Variants in FYN observed in about 807,000 individuals in gnomAD.
FYN encodes the protein FYN proto-oncogene, Src family tyrosine kinase, also known as tyrosine-protein kinase Fyn.
In FYN, 10 loss-of-function variants were observed where a neutral mutation model predicts 70.2. The ratio of observed to expected loss-of-function variants is 0.14; its 90% CI spans 0.09 to 0.24. FYN has a LOEUF of 0.24. Among genes scored for constraint, FYN ranks in the 10% least tolerant of loss-of-function variants. The probability of loss-of-function intolerance (pLI) is 1.00; values close to 1 mark genes in which losing one functional copy is unlikely to be tolerated. For synonymous variants in FYN, 236 were observed against 248.6 expected (o/e 0.95, Z 0.48); for missense variants, 319 against 673.1 (o/e 0.47, Z 5.82).
chr6:111,684,257 T>C (rs542270460), intron 12 of FYN, among the ~76,000 whole-genome samples: 1 of 152,224 alleles, frequency 6.6e-6, no homozygotes, highest in East Asian at 1.9e-4. Flanking sequence ...CCGAACATAT[T>C]GCAAAGATAA....
chr6:111,692,278 G>T (rs983173180), intron 12 of FYN, among the ~76,000 whole-genome samples: 1 of 152,208 alleles, frequency 6.6e-6, no homozygotes, highest in African/African-American at 2.4e-5. Flanking sequence ...AAGGCTAAAA[G>T]AACAAGGTTG....
At chr6:111,744,125 G>T (rs1019248834) in intron 3 of FYN, among the ~76,000 whole-genome samples, 1 of 152,214 alleles carries the variant, frequency 6.6e-6, no homozygotes, top group Admixed American at 6.5e-5. Context: ...GAGGAATGAT[G>T]CAGCTGCAGC....
intron 12 of FYN, among the ~76,000 whole-genome samples, chr6:111,675,573 A>G (rs1309052685): frequency 6.6e-6 from 1 of 152,052 alleles, no homozygotes; most frequent in South Asian, 2.1e-4. Flanking sequence ...GCGGGCGGTC[A>G]TTTGAGGTCA....
intron 2 of FYN, among the ~76,000 whole-genome samples, chr6:111,800,784 T>A (rs1744694730): frequency 1.3e-5 from 2 of 152,230 alleles, no homozygotes; most frequent in Admixed American, 6.5e-5. Context: ...CCTGCCCACA[T>A]CTCCAGTTCT....
At chr6:111,772,772 G>A (rs1452492122) in intron 3 of FYN, among the ~76,000 whole-genome samples, 1 of 123,528 alleles carries the variant, frequency 8.1e-6, no homozygotes, top group Admixed American at 1.1e-4. Context: ...AAAAGTCATT[G>A]TTTAAAGTTA....
chr6:111,808,162 C>T (rs55993814), intron 2 of FYN, among the ~76,000 whole-genome samples: 3,195 of 152,264 alleles, frequency 0.021, 99 homozygotes, highest in African/African-American at 0.071. Flanking sequence ...GTCAGTCCCT[C>T]TGGAACCACT....
At chr6:111,865,141 A>G (rs1774068946) in intron 1 of FYN, among the ~76,000 whole-genome samples, 1 of 152,212 alleles carries the variant, frequency 6.6e-6, no homozygotes, top group African/African-American at 2.4e-5. Context: ...GGACTTTCCC[A>G]TGGTACTTTT....
intron 3 of FYN, among the ~76,000 whole-genome samples, chr6:111,737,865 C>T (rs1583386960): frequency 6.6e-6 from 1 of 152,206 alleles, no homozygotes; most frequent in Non-Finnish European, 1.5e-5. Context: ...ACCAAATATA[C>T]ACTTCACAAT....
At chr6:111,845,971 C>T (rs1394928307) in intron 2 of FYN, among the ~76,000 whole-genome samples, 3 of 152,192 alleles carry the variant, frequency 2.0e-5, no homozygotes, top group African/African-American at 7.2e-5. Flanking sequence ...TCAGAGCTTC[C>T]AAGCCCCTTC....
chr6:111,685,844 G>A (rs1480196964), intron 12 of FYN, among the ~76,000 whole-genome samples: 1 of 152,166 alleles, frequency 6.6e-6, no homozygotes, highest in East Asian at 1.9e-4. Flanking sequence ...TGCTCACACA[G>A]AATACAAAAT....
intron 2 of FYN, among the ~76,000 whole-genome samples, chr6:111,844,068 C>T (rs1258777214): frequency 6.6e-6 from 1 of 152,206 alleles, no homozygotes; most frequent in East Asian, 1.9e-4. Context: ...TGAGTAGAAT[C>T]CTTACTATAA....
chr6:111,827,853 CG>C (rs1362861204), intron 2 of FYN, among the ~76,000 whole-genome samples: 1 of 152,068 alleles, frequency 6.6e-6, no homozygotes, highest in East Asian at 1.9e-4. Flanking sequence ...ATGGGGGAAA[CG>C]GTGGATTCTG....
At position 111,694,113 on chromosome 6, in the gene FYN, T is replaced by C. The variant is rs1799469968; in HGVS notation, c.1273+262A>G. ...CCTGGACGCTGTGAGGAGACCAGCA[T>C]GAGCCAAGAGGACCACAGCAGCAAA... On this transcript the variant is annotated intron_variant, in intron 12 of 13. Coordinates refer to ENST00000354650, the MANE Select transcript of FYN (RefSeq NM_002037.5). This position sits in a 1 kb window ranked among gnomAD's most constrained non-coding sequence, Gnocchi z 5.0. Among the ~76,000 whole-genome samples, 1 of 152,124 alleles carries C rather than the reference T, an allele frequency of 6.6e-6. No homozygotes were observed. Among genetic ancestry groups the C allele is most frequent in the Admixed American group, 6.5e-5 (1 of 15,270 alleles).
At chr6:111,754,195 G>C (rs2128489432) in intron 3 of FYN, among the ~76,000 whole-genome samples, 1 of 152,260 alleles carries the variant, frequency 6.6e-6, no homozygotes, top group South Asian at 2.1e-4. Flanking sequence ...TTTATCGTCT[G>C]TCTGAATGTG....
At chr6:111,804,074 T>C (rs1317337321) in intron 2 of FYN, among the ~76,000 whole-genome samples, 1 of 152,218 alleles carries the variant, frequency 6.6e-6, no homozygotes, top group Non-Finnish European at 1.5e-5. Flanking sequence ...TAAGTCTTCT[T>C]ATGCTGAAAC....
In FYN at chr6:111,699,784, G is replaced by A. The variant is rs115796281; in HGVS notation, c.862+320C>T. On this transcript the variant is annotated intron_variant, in intron 9 of 13. Coordinates refer to ENST00000354650, the MANE Select transcript of FYN (RefSeq NM_002037.5). ...TTAGGATGACACTCAACAAATATTTGCTTTTGGAAATGAAGAGCAAGATAT... is the reference window on the plus strand; with the variant it reads ...TTAGGATGACACTCAACAAATATTTACTTTTGGAAATGAAGAGCAAGATAT... The A allele has an allele frequency of 3.1e-5, 33 of 1,054,190 alleles. No homozygotes were observed. The African/African-American group carries it at 4.8e-4, about 15-fold the overall frequency. 65.3% of individuals were successfully genotyped at this position (1,054,190 alleles called of 1,614,324 possible).
intron 3 of FYN, among the ~76,000 whole-genome samples, chr6:111,743,159 G>A (rs945084425): frequency 6.6e-6 from 1 of 152,050 alleles, no homozygotes; most frequent in Non-Finnish European, 1.5e-5. Flanking sequence ...TAGAGATGGG[G>A]TTTGGTTATG....
At chr6:111,852,696 C>A (rs759474670) in intron 1 of FYN, among the ~76,000 whole-genome samples, 1 of 151,872 alleles carries the variant, frequency 6.6e-6, no homozygotes, top group Non-Finnish European at 1.5e-5. Flanking sequence ...AAAAAAAAAT[C>A]CAAAATCTAG....
chr6:111,781,169 T>TTA (rs1172300922), intron 2 of FYN: 1 of 152,180 alleles, frequency 6.6e-6, no homozygotes, highest in Admixed American at 6.5e-5. Context: ...ATAGAAGGGC[T>TTA]TATAACAGCC....
Sources: allele counts gnomAD v4.1 joint callset (sites outside exome capture counted in the v4.1 genomes callset), GRCh38; gene constraint gnomAD v4.1.1; non-coding constraint Gnocchi (gnomAD v3.1); transcripts MANE v1.5; gene names NCBI Gene and HGNC (gene_info 2026-07-23, HGNC 2026-07-21).